The following SLC15A2 variants were observed in gnomAD, a reference collection of about 807,000 sequenced individuals.
The protein encoded by SLC15A2 is kidney H(+)/peptide cotransporter.
SLC15A2 carries 77 observed loss-of-function variants against 95.5 expected under a neutral mutation model. That is an observed-to-expected ratio of 0.81 (90% CI 0.67 to 0.97). SLC15A2 has a LOEUF of 0.97. Ranked by LOEUF, SLC15A2 falls within the 50% of genes least tolerant of loss-of-function variation. The pLI, the probability that SLC15A2 is intolerant of heterozygous loss-of-function variation, is 0.00. For synonymous variants in SLC15A2, 306 were observed against 306.9 expected, an observed-to-expected ratio of 1.00 and a Z score of 0.03; for missense variants, 893 against 874.4, an observed-to-expected ratio of 1.02 and a Z score of -0.27.
intron 2 of SLC15A2, among the ~76,000 whole-genome samples, chr3:121,896,748 G>A (rs1444446065): frequency 1.3e-5 from 2 of 151,874 alleles, no homozygotes; most frequent in Non-Finnish European, 2.9e-5. Context: ...GTGGAGCTGG[G>A]CATGATGGCA....
At chr3:121,918,336 G>A (rs1166239842) in intron 7 of SLC15A2, among the ~76,000 whole-genome samples, 1 of 152,190 alleles carries the variant, frequency 6.6e-6, no homozygotes, top group African/African-American at 2.4e-5. Context: ...CTGAGCTAGT[G>A]AGGAAAAGCC....
chr3:121,933,230 A>G (rs1431468234), intron 19 of SLC15A2, among the ~76,000 whole-genome samples: 1 of 150,996 alleles, frequency 6.6e-6, no homozygotes, highest in Non-Finnish European at 1.5e-5. Context: ...ATATGTGTGC[A>G]TGTGTCTTTA....
At chr3:121,939,720 T>G (rs1463434397) in intron 20 of SLC15A2, among the ~76,000 whole-genome samples, 2 of 152,108 alleles carry the variant, frequency 1.3e-5, no homozygotes, top group African/African-American at 4.8e-5. Flanking sequence ...AAGATTAAAA[T>G]GAAGAGCTGC....
intron 19 of SLC15A2, 92 bp from the exon 20 acceptor site, chr3:121,939,257 A>G (rs1443443641): frequency 4.7e-6 from 5 of 1,059,272 alleles, no homozygotes; most frequent in Non-Finnish European, 6.4e-6. Context: ...TGAAAATACA[A>G]AAAGGATGGA....
At chr3:121,903,909 G>A (rs1029740117) in intron 3 of SLC15A2, among the ~76,000 whole-genome samples, 1 of 152,136 alleles carries the variant, frequency 6.6e-6, no homozygotes, top group Non-Finnish European at 1.5e-5. Flanking sequence ...AGCTTGATGG[G>A]GATAGCATTG....
intron 19 of SLC15A2, among the ~76,000 whole-genome samples, chr3:121,932,183 C>A (rs902804968): frequency 6.6e-6 from 1 of 152,142 alleles, no homozygotes; most frequent in Non-Finnish European, 1.5e-5. Flanking sequence ...AGATTACAAG[C>A]GTGAGTCACC....
intron 3 of SLC15A2, among the ~76,000 whole-genome samples, chr3:121,904,166 T>A (rs1709582209): frequency 6.6e-6 from 1 of 152,218 alleles, no homozygotes; most frequent in African/African-American, 2.4e-5. Context: ...GTTATTGGTG[T>A]ATAAGAATGC....
At position 121,929,161 on chromosome 3, in the gene SLC15A2, T is replaced by A. The variant is rs1710180898; in HGVS notation, c.1506+15T>A. On this transcript the variant is annotated intron_variant, in intron 16 of 21. Transcript: ENST00000489711. Reference sequence around the variant, plus strand: ...CCAGCATGATGGTAATTTGAGGAATTGCCTGTGTTTTCAGTTGTCATCTCA... The same window carrying A: ...CCAGCATGATGGTAATTTGAGGAATAGCCTGTGTTTTCAGTTGTCATCTCA... 1 of 1,608,166 alleles carries A rather than the reference T, an allele frequency of 6.2e-7. No individual in the cohort carries two copies. The highest frequency in any genetic ancestry group is 2.2e-5 in the East Asian group (1 of 44,742).
chr3:121,911,676 A>G lies in SLC15A2; in HGVS notation c.428+10A>G. 2.0e-6 allele frequency: 3 copies of G among 1,536,080 alleles called. No individual in the cohort carries two copies. The highest frequency in any genetic ancestry group is 2.7e-6 in the Non-Finnish European group (3 of 1,109,282). ...GACAAGTGGTACACACGTGAGTAAAATCATGGAATCAACTAAACTACTTTT... is the reference window on the plus strand; with the variant it reads ...GACAAGTGGTACACACGTGAGTAAAGTCATGGAATCAACTAAACTACTTTT... On this transcript the variant is annotated intron_variant, in intron 4 of 21. Coordinates refer to ENST00000489711, the MANE Select transcript of SLC15A2 (RefSeq NM_021082.4).
Position 121,922,158 on chromosome 3 carries a change from A to G in SLC15A2, c.698-62A>G, listed in dbSNP as rs963075090. ...CATTGAAAGTAATGGCAAAACTGCAATAACCTTTGCACCAACCTAATAAAT... is the reference window on the plus strand; with the variant it reads ...CATTGAAAGTAATGGCAAAACTGCAGTAACCTTTGCACCAACCTAATAAAT... On this transcript the variant is annotated intron_variant, in intron 7 of 21. Coordinates refer to ENST00000489711, the MANE Select transcript of SLC15A2 (RefSeq NM_021082.4). 66 of 1,425,546 alleles carry G rather than the reference A, an allele frequency of 4.6e-5. No homozygotes were observed. The African/African-American group carries it at 8.5e-4, about 18-fold the overall frequency. The allele number at this position is 1,425,546 out of a possible 1,614,324, so 88.3% of individuals were successfully genotyped here.
rs775586399 is a variant in SLC15A2, at chr3:121,940,855, T to A, written c.2038T>A (p.Cys680Ser). 13 of 1,612,546 alleles carry A rather than the reference T, an allele frequency of 8.1e-6. No individual in the cohort carries two copies. In the Admixed American group the frequency reaches 8.4e-5, roughly 10 times the overall value. The change falls in exon 22 of 22, where the codon TGC (cysteine) becomes AGC (serine). Residue 680 changes from cysteine (C) to serine (S), a missense_variant. Cys to Ser is a moderately radical substitution (Grantham distance 112). Transcript: ENST00000489711. ...GTGGGCCGAATTCATTTTGTTTTCC[T>A]GCCTCCTGCTGGTGATCTGCCTGAT... ...VQWAEFILFSCLLLVICLIFS... is the reference protein window; with the variant it reads ...VQWAEFILFSSLLLVICLIFS...
At position 121,896,462 on chromosome 3, in the gene SLC15A2, C is replaced by A. The variant is rs1249369629; in HGVS notation, c.162C>A (p.Phe54Leu). The change falls in exon 2 of 22, where the codon TTC becomes TTA. Residue 54 changes from phenylalanine (F) to leucine (L), a missense_variant. Coordinates refer to ENST00000489711, the MANE Select transcript of SLC15A2 (RefSeq NM_021082.4). ...LSIAFIVVNE[F>L]CERFSYYGMK... ...TTGCCTTCATTGTGGTGAATGAATT[C>A]TGCGAGCGCTTTTCCTATTATGGAA... 6.2e-7 allele frequency: 1 copy of A among 1,614,110 alleles called. No individual in the cohort carries two copies. The highest frequency in any genetic ancestry group is 1.6e-4 in the Middle Eastern group (1 of 6,062).
intron 3 of SLC15A2, among the ~76,000 whole-genome samples, chr3:121,898,211 A>G (rs1709457648): frequency 6.6e-6 from 1 of 151,800 alleles, no homozygotes; most frequent in South Asian, 2.1e-4. Context: ...GTTATTTGAT[A>G]CTTTCTCCAT....
chr3:121,930,760 C>G, intron 17 of SLC15A2, 80 bp from the exon 18 acceptor site: 1 of 852,224 alleles, frequency 1.2e-6, no homozygotes, highest in Middle Eastern at 2.6e-4. Flanking sequence ...TATAGTTATA[C>G]CCAAAACATA....
Position 121,922,807 on chromosome 3 carries a change from T to A in SLC15A2, c.813T>A (p.Ser271=), listed in dbSNP as rs1299219824. The part of the protein sequence containing the change: ...FAISNRFKNR[S]GDIPKRQHWL... The stretch of plus-strand genomic sequence containing the variant: ...TTTCCAATCGTTTCAAGAACCGTTC[T>A]GGAGACATTCCAAAGCGACAGCACT... The change falls in exon 9 of 22, where the codon TCT becomes TCA. Residue 271 remains serine, a synonymous_variant. Coordinates refer to ENST00000489711, the MANE Select transcript of SLC15A2 (RefSeq NM_021082.4). 2 of 1,614,030 alleles carry A rather than the reference T, an allele frequency of 1.2e-6. No individual in the cohort carries two copies. The highest frequency in any genetic ancestry group is 2.2e-5 in the South Asian group (2 of 91,060).
chr3:121,909,400 G>A (rs755066011), intron 3 of SLC15A2, among the ~76,000 whole-genome samples: 1 of 152,126 alleles, frequency 6.6e-6, no homozygotes, highest in Non-Finnish European at 1.5e-5. Flanking sequence ...TGACCTGTCT[G>A]GATTTCAGTT....
intron 1 of SLC15A2, 44 bp downstream of exon 1, chr3:121,894,625 C>T: frequency 6.8e-7 from 1 of 1,462,526 alleles, no homozygotes; most frequent in African/African-American, 1.4e-5. Flanking sequence ...GAATGGCCTC[C>T]CTCTTTTGGC....
At chr3:121,918,868 A>G (rs1709948776) in intron 7 of SLC15A2, among the ~76,000 whole-genome samples, 1 of 152,210 alleles carries the variant, frequency 6.6e-6, no homozygotes, top group Admixed American at 6.5e-5. Flanking sequence ...GAGACTGAGA[A>G]GTAAATGTTA....
intron 19 of SLC15A2, among the ~76,000 whole-genome samples, chr3:121,934,172 A>C (rs1338629881): frequency 3.9e-5 from 6 of 152,322 alleles, no homozygotes; most frequent in African/African-American, 1.4e-4. Flanking sequence ...GTAGCCTTGT[A>C]GTATAGTTTG....
Sources: gnomAD v4.1 joint callset for allele counts (sites outside exome capture counted in the v4.1 genomes callset) on GRCh38, gnomAD v4.1.1 for gene constraint, MANE v1.5 for transcripts, NCBI Gene and HGNC (gene_info 2026-07-23, HGNC 2026-07-21) for gene names.